The following JAKMIP1 variants were observed in gnomAD, a reference collection of about 807,000 sequenced individuals.
The protein encoded by JAKMIP1 is janus kinase and microtubule interacting protein 1, also known as janus kinase and microtubule-interacting protein 1.
Under a neutral mutation model 113.0 loss-of-function variants are expected in JAKMIP1, and 33 were observed. The observed-to-expected ratio is 0.29, with a 90% CI of 0.22 to 0.39. The LOEUF is 0.39. Among genes scored for constraint, JAKMIP1 ranks in the 10% least tolerant of loss-of-function variants. JAKMIP1 has a pLI of 1.00. For missense variants in JAKMIP1, 813 were observed against 1,080.5 expected (o/e 0.75, Z 3.47); for synonymous variants, 480 against 459.9 (o/e 1.04, Z -0.56).
In JAKMIP1 at chr4:6,178,535, T is replaced by C. The variant is rs1010830196; in HGVS notation, c.-148+21718A>G. On this transcript the variant is annotated intron_variant, in intron 1 of 20. Coordinates refer to ENST00000409021, the MANE Select transcript of JAKMIP1 (RefSeq NM_001099433.2). This position sits in a 1 kb window ranked among gnomAD's most constrained non-coding sequence, Gnocchi z 5.5. Reference sequence around the variant, plus strand: ...GGTGGGGAATTGAAGTAGGTGGTTTTCTGATGATATTGGAAGCATTTCATG... The same window carrying C: ...GGTGGGGAATTGAAGTAGGTGGTTTCCTGATGATATTGGAAGCATTTCATG... Among the ~76,000 whole-genome samples the C allele has an allele frequency of 4.6e-5, 7 of 152,214 alleles. No individual in the cohort carries two copies. Among genetic ancestry groups the C allele is most frequent in the Non-Finnish European group, 1.5e-5 (1 of 68,034 alleles).
At chr4:6,148,900 T>C (rs1721211068) in intron 1 of JAKMIP1, among the ~76,000 whole-genome samples, 2 of 152,184 alleles carry the variant, frequency 1.3e-5, no homozygotes. Flanking sequence ...GGAGGAGTAT[T>C]TTCTAGCCAG....
chr4:6,113,853 G>A (rs1055687590), intron 1 of JAKMIP1, among the ~76,000 whole-genome samples: 15 of 152,234 alleles, frequency 9.9e-5, no homozygotes, highest in Admixed American at 2.6e-4. Context: ...CCTGCTCTGC[G>A]CCTGCTGTGT....
intron 9 of JAKMIP1, among the ~76,000 whole-genome samples, chr4:6,063,461 A>C (rs1717602016): frequency 1.3e-5 from 2 of 152,340 alleles, no homozygotes; most frequent in South Asian, 4.1e-4. Flanking sequence ...CCTGTGCAGG[A>C]CAGGCTGATG....
Position 6,105,614 on chromosome 4 carries a change from C to T in JAKMIP1, c.483G>A (p.Ala161=), listed in dbSNP as rs1234016790. Reference sequence around the variant, plus strand: ...TGAGCGCCTCCTCTGCCTGCTTGCGCGCTGCCTTGAGCTCCAGGATCTCCT... The same window carrying T: ...TGAGCGCCTCCTCTGCCTGCTTGCGTGCTGCCTTGAGCTCCAGGATCTCCT... The part of the protein sequence containing the change: ...LQQEILELKA[A]RKQAEEALSN... The change falls in exon 3 of 21, where the codon GCG becomes GCA. Residue 161 remains alanine, a synonymous_variant. Transcript: ENST00000409021. The T allele has an allele frequency of 1.3e-6, 2 of 1,595,076 alleles. No homozygotes were observed. Among genetic ancestry groups the T allele is most frequent in the Middle Eastern group, 1.7e-4 (1 of 5,944 alleles).
rs539575606 is a variant in JAKMIP1 at position 6,049,052 on chromosome 4, G to C, written c.1963-130C>G. 2.8e-6 allele frequency: 2 copies of C among 702,816 alleles called. No homozygotes were observed. Among genetic ancestry groups the C allele is most frequent in the Middle Eastern group, 2.4e-4 (1 of 4,176 alleles). The allele number at this position is 702,816 out of a possible 1,614,324, so 43.5% of individuals were successfully genotyped here. A position where few individuals can be genotyped will look rare whatever the true frequency, so the allele number is the denominator to read the frequency against. ...TATTATGTTTGTTTGTTTTGAGACG[G>C]AGTCTCTCTCTGTCACCTGGGTTTG... is the stretch of plus-strand genomic sequence containing the variant. On this transcript the variant is annotated intron_variant, in intron 15 of 20. Transcript: ENST00000409021. The surrounding 1 kb of genome is among the most constrained non-coding windows in gnomAD (Gnocchi z 7.0).
In JAKMIP1 at chr4:6,064,908, G is replaced by A; in HGVS notation, c.1403C>T (p.Pro468Leu). 6.2e-7 allele frequency: 1 copy of A among 1,614,170 alleles called. No individual in the cohort carries two copies. Among genetic ancestry groups the A allele is most frequent in the Non-Finnish European group, 8.5e-7 (1 of 1,180,036 alleles). The change falls in exon 9 of 21, where the codon CCA becomes CTA. Residue 468 changes from proline (P) to leucine (L), a missense_variant. Around this residue, in one of 2 missense-constraint regions of JAKMIP1, gnomAD observed 540 missense variants for 653.9 expected, o/e 0.83. Transcript: ENST00000409021. The surrounding 1 kb of genome is among the most constrained non-coding windows in gnomAD (Gnocchi z 4.3). ...GTCCAAGTCTTCTTCGGGCGTGGCT[G>A]GGGTCCTGTCTGTCCTGTCTGTGTT... is the stretch of plus-strand genomic sequence containing the variant. ...SYNTDRTDRT[P>L]ATPEEDLDDA...
At chr4:6,045,569 CACACTAAGAA>C (rs1035203335) in intron 16 of JAKMIP1, among the ~76,000 whole-genome samples, 1 of 152,222 alleles carries the variant, frequency 6.6e-6, no homozygotes, top group African/African-American at 2.4e-5. Context: ...ACTTCACCTA[CACACTAAGAA>C]ACTGGCTTCG....
chr4:6,178,460 G>C lies in JAKMIP1; in HGVS notation c.-148+21793C>G, dbSNP rs1725645138. 6.6e-6 allele frequency among the ~76,000 whole-genome samples: 1 copy of C among 152,212 alleles called. No homozygotes were observed. Among genetic ancestry groups the C allele is most frequent in the South Asian group, 2.1e-4 (1 of 4,830 alleles). ...AGAACTTTAAGTGGGTTCTGAATAT[G>C]TTACGAGTAGCAATTTTATCAGAAA... is the stretch of plus-strand genomic sequence containing the variant. On this transcript the variant is annotated intron_variant, in intron 1 of 20. Transcript: ENST00000409021. This position sits in a 1 kb window ranked among gnomAD's most constrained non-coding sequence, Gnocchi z 5.5.
rs1252055882 is a variant in JAKMIP1, at chr4:6,076,520, T to C, written c.1302+2419A>G. Among the ~76,000 whole-genome samples the C allele has an allele frequency of 2.0e-5, 3 of 152,140 alleles. No homozygotes were observed. The highest frequency in any genetic ancestry group is 7.2e-5 in the African/African-American group (3 of 41,416). On this transcript the variant is annotated intron_variant, in intron 8 of 20. Coordinates refer to ENST00000409021, the MANE Select transcript of JAKMIP1 (RefSeq NM_001099433.2). The surrounding 1 kb of genome is among the most constrained non-coding windows in gnomAD (Gnocchi z 4.8). ...CCCACTCATCTGAGAATCCAGGACCTAGCAAATCACCAATGAGCCAGGCCA... is the reference window on the plus strand; with the variant it reads ...CCCACTCATCTGAGAATCCAGGACCCAGCAAATCACCAATGAGCCAGGCCA...
chr4:6,185,129 C>G lies in JAKMIP1; in HGVS notation c.-148+15124G>C, dbSNP rs963708402. 2.0e-5 allele frequency among the ~76,000 whole-genome samples: 3 copies of G among 152,212 alleles called. No homozygotes were observed. Among genetic ancestry groups the G allele is most frequent in the African/African-American group, 7.2e-5 (3 of 41,458 alleles). ...TCCTTACTTTTGAGGTTTTGGGACT[C>G]GAACTGGCTTCCTTGCTCCTCAGCT... On this transcript the variant is annotated intron_variant, in intron 1 of 20. Coordinates refer to ENST00000409021, the MANE Select transcript of JAKMIP1 (RefSeq NM_001099433.2). The surrounding 1 kb of genome is among the most constrained non-coding windows in gnomAD (Gnocchi z 5.3).
In JAKMIP1 at chr4:6,182,410, G is replaced by GAA. The variant is rs56678982; in HGVS notation, c.-148+17841_-148+17842dup. 8.1e-3 allele frequency among the ~76,000 whole-genome samples: 978 copies of GAA among 120,246 alleles called. 6 individuals carry two copies. The highest frequency in any genetic ancestry group is 0.013 in the African/African-American group (406 of 32,384). The allele number at this position is 120,246 out of a possible 152,430, so 78.9% of individuals were successfully genotyped here. On this transcript the variant is annotated intron_variant, in intron 1 of 20. Coordinates refer to ENST00000409021, the MANE Select transcript of JAKMIP1 (RefSeq NM_001099433.2). Reference sequence around the variant, plus strand: ...GGTAACAGAGCGAGACCCTGTCTCAGAAAAAAAAAAAAAAAAGAAAGAAAG... The same window carrying GAA: ...GGTAACAGAGCGAGACCCTGTCTCAGAAAAAAAAAAAAAAAAAAGAAAGAAAG...
At chr4:6,070,364 C>T (rs1718786463) in intron 8 of JAKMIP1, among the ~76,000 whole-genome samples, 1 of 152,244 alleles carries the variant, frequency 6.6e-6, no homozygotes, top group African/African-American at 2.4e-5. Flanking sequence ...GTCCCAAGAA[C>T]AGGAGTGCGC....
intron 4 of JAKMIP1, 129 bp downstream of exon 4, chr4:6,085,291 T>C (rs1268519376): frequency 9.4e-6 from 8 of 849,302 alleles, no homozygotes; most frequent in Non-Finnish European, 1.3e-5. Flanking sequence ...TAACATCCCC[T>C]CCAATACTGA....
In JAKMIP1 at chr4:6,126,206, C is replaced by G. The variant is rs1338377910; in HGVS notation, c.-147-13209G>C. On this transcript the variant is annotated intron_variant, in intron 1 of 20. Coordinates refer to ENST00000409021, the MANE Select transcript of JAKMIP1 (RefSeq NM_001099433.2). ...ATGCAGAAACACACATACACAAACA[C>G]ACACCATGCGGAAACACACACACGC... Among the ~76,000 whole-genome samples, 3 of 146,932 alleles carry G rather than the reference C, an allele frequency of 2.0e-5. No individual in the cohort carries two copies. The Admixed American group carries it at 2.1e-4, about 10-fold the overall frequency.
intron 8 of JAKMIP1, among the ~76,000 whole-genome samples, chr4:6,072,701 C>T (rs956991304): frequency 1.3e-5 from 2 of 152,194 alleles, no homozygotes; most frequent in Non-Finnish European, 2.9e-5. Flanking sequence ...CATGAGCTCA[C>T]AGACTGGTGA....
chr4:6,089,190 C>G lies in JAKMIP1; in HGVS notation c.625-3561G>C, dbSNP rs1363046948. Among the ~76,000 whole-genome samples, 1 of 152,234 alleles carries G rather than the reference C, an allele frequency of 6.6e-6. No homozygotes were observed. Reference sequence around the variant, plus strand: ...GGGAATGACACAGCAGGAGGCAGAGCAGAGCCCAAGAACCTGGGATCCTGG... The same window carrying G: ...GGGAATGACACAGCAGGAGGCAGAGGAGAGCCCAAGAACCTGGGATCCTGG... On this transcript the variant is annotated intron_variant, in intron 3 of 20. Transcript: ENST00000409021. This position sits in a 1 kb window ranked among gnomAD's most constrained non-coding sequence, Gnocchi z 5.3.
chr4:6,121,713 A>C (rs182206886), intron 1 of JAKMIP1, among the ~76,000 whole-genome samples: 76 of 152,372 alleles, frequency 5.0e-4, no homozygotes, highest in African/African-American at 1.7e-3. Flanking sequence ...AAGAGCATTA[A>C]ACAGAGGAAC....
chr4:6,166,547 T>C (rs533445937), intron 1 of JAKMIP1, among the ~76,000 whole-genome samples: 1 of 152,316 alleles, frequency 6.6e-6, no homozygotes, highest in African/African-American at 2.4e-5. Flanking sequence ...GCCATAGGGG[T>C]AGGAGGACCT....
rs377523249 is a variant in JAKMIP1, at chr4:6,191,963, G to C, written c.-148+8290C>G. Among the ~76,000 whole-genome samples the C allele has an allele frequency of 1.8e-4, 10 of 56,198 alleles. No homozygotes were observed. In the South Asian group the frequency reaches 3.3e-3, roughly 19 times the overall value. The allele number at this position is 56,198 out of a possible 152,430, so 36.9% of individuals were successfully genotyped here. A position where few individuals can be genotyped will look rare whatever the true frequency, so the allele number is the denominator to read the frequency against. ...TTTATTTATTTTGAGATGGAGTTTCGCTCTTGTCACCCAGGCTGGAGTGCA... is the reference window on the plus strand; with the variant it reads ...TTTATTTATTTTGAGATGGAGTTTCCCTCTTGTCACCCAGGCTGGAGTGCA... On this transcript the variant is annotated intron_variant, in intron 1 of 20. Coordinates refer to ENST00000409021, the MANE Select transcript of JAKMIP1 (RefSeq NM_001099433.2).
Sources: gnomAD v4.1 joint callset for allele counts (sites outside exome capture counted in the v4.1 genomes callset) on GRCh38, gnomAD v4.1.1 for gene constraint, gnomAD v4.1.1 regional missense constraint, Gnocchi (gnomAD v3.1) non-coding constraint, MANE v1.5 for transcripts, NCBI Gene and HGNC (gene_info 2026-07-23, HGNC 2026-07-21) for gene names.